Variants in ROS1 observed in about 807,000 individuals in gnomAD.
The protein encoded by ROS1 is ROS proto-oncogene 1, receptor tyrosine kinase.
Under a neutral mutation model 273.5 loss-of-function variants are expected in ROS1, and 263 were observed. That is an observed-to-expected ratio of 0.96 (90% CI 0.87 to 1.06). The LOEUF (loss-of-function observed/expected upper bound fraction) is 1.06. Among genes scored for constraint, ROS1 ranks in the 50% least tolerant of loss-of-function variants. The pLI, the probability that ROS1 is intolerant of heterozygous loss-of-function variation, is 0.00. For missense variants in ROS1, 2,833 were observed against 2,751.1 expected, an observed-to-expected ratio of 1.03 and a Z score of -0.67; for synonymous variants, 1,008 against 954.1, an observed-to-expected ratio of 1.06 and a Z score of -1.04.
chr6:117,407,713 A>G (rs1273014733), intron 5 of ROS1, among the ~76,000 whole-genome samples: 8 of 152,348 alleles, frequency 5.3e-5, no homozygotes, highest in Admixed American at 3.9e-4. Flanking sequence ...TAGAAAAACT[A>G]CTTTAAAGTT....
chr6:117,313,670 T>C (rs1039411982), intron 39 of ROS1, among the ~76,000 whole-genome samples: 2 of 152,108 alleles, frequency 1.3e-5, no homozygotes, highest in Non-Finnish European at 2.9e-5. Context: ...AGGACTAGAC[T>C]AAGCTTTCCG....
intron 43 of ROS1, among the ~76,000 whole-genome samples, chr6:117,296,937 T>C (rs117832754): frequency 0.081 from 12,344 of 152,180 alleles, 719 homozygotes; most frequent in Non-Finnish European, 0.12. Flanking sequence ...ATCTACTATG[T>C]ACCCACAAAA....
At chr6:117,330,077 C>CGGCG (rs1776968073) in intron 32 of ROS1, among the ~76,000 whole-genome samples, 2 of 152,170 alleles carry the variant, frequency 1.3e-5, no homozygotes, top group East Asian at 1.9e-4. Context: ...TCTCCCTGGG[C>CGGCG]GGCGGGGAGA....
chr6:117,409,547 A>G (rs1397068440), intron 5 of ROS1, 35 bp downstream of exon 5: 1 of 1,495,330 alleles, frequency 6.7e-7, no homozygotes, highest in Non-Finnish European at 9.3e-7. Flanking sequence ...AGAGTGGTGC[A>G]GCCTATTTTT....
Position 117,341,136 on chromosome 6 carries a change from T to A in ROS1, c.5060A>T (p.Lys1687Met). The change falls in exon 31 of 44, where the codon AAG (lysine) becomes ATG (methionine). Residue 1687 changes from lysine (K) to methionine (M), a missense_variant and splice_region_variant. Physicochemically the swap from Lys to Met is moderately conservative, Grantham distance 95. Transcript: ENST00000368507. ...NLIRFWVELQ[K>M]WKYNEFYHVK... ...TAAAGACTTGCATTAAAAGTCTACC[T>A]TCTGTAGCTCAACCCAAAATCTGAT... 1 of 1,599,600 alleles carries A rather than the reference T, an allele frequency of 6.3e-7. No individual in the cohort carries two copies.
At chr6:117,377,596 C>T (rs889658950) in intron 18 of ROS1, among the ~76,000 whole-genome samples, 8 of 151,832 alleles carry the variant, frequency 5.3e-5, no homozygotes, top group East Asian at 1.9e-4. Flanking sequence ...AAAGCTAAAA[C>T]GATAAAGCTT....
At chr6:117,412,310 T>C (rs1437197767) in intron 4 of ROS1, among the ~76,000 whole-genome samples, 3 of 151,764 alleles carry the variant, frequency 2.0e-5, no homozygotes, top group African/African-American at 7.3e-5. Context: ...AATATATATG[T>C]ATATATATTC....
chr6:117,367,736 T>C (rs1409379851), intron 18 of ROS1, among the ~76,000 whole-genome samples: 1 of 152,224 alleles, frequency 6.6e-6, no homozygotes, highest in African/African-American at 2.4e-5. Flanking sequence ...TTGAACCATC[T>C]ATTAAATGTG....
intron 43 of ROS1, among the ~76,000 whole-genome samples, chr6:117,296,677 G>A (rs1774269093): frequency 6.6e-6 from 1 of 152,138 alleles, no homozygotes; most frequent in Admixed American, 6.5e-5. Context: ...GGGACAGGGT[G>A]GGGGAGTTGG....
chr6:117,377,057 A>G (rs1370289195), intron 18 of ROS1, among the ~76,000 whole-genome samples: 1 of 152,198 alleles, frequency 6.6e-6, no homozygotes, highest in Non-Finnish European at 1.5e-5. Flanking sequence ...AGACAAATAT[A>G]TCAAAGGAAC....
At chr6:117,314,623 A>G (rs1169928862) in intron 39 of ROS1, among the ~76,000 whole-genome samples, 2 of 152,198 alleles carry the variant, frequency 1.3e-5, no homozygotes, top group African/African-American at 4.8e-5. Flanking sequence ...TACCAGTCAC[A>G]CTGAGGCACT....
intron 43 of ROS1, among the ~76,000 whole-genome samples, chr6:117,299,170 G>T (rs1774487046): frequency 6.6e-6 from 1 of 152,204 alleles, no homozygotes; most frequent in African/African-American, 2.4e-5. Context: ...CATGGCCAAG[G>T]CATGTGCAGC....
At chr6:117,398,801 C>T (rs1349435227) in intron 7 of ROS1, among the ~76,000 whole-genome samples, 1 of 151,504 alleles carries the variant, frequency 6.6e-6, no homozygotes, top group African/African-American at 2.4e-5. Context: ...GGTGAAACCC[C>T]ATCTCTACTA....
rs201937922 is a variant in ROS1 at position 117,394,697 on chromosome 6, A to G, written c.925T>C (p.Ser309Pro). The change falls in exon 10 of 44, where the codon TCT (serine) becomes CCT (proline). Residue 309 changes from serine (S) to proline (P), a missense_variant. Physicochemically the swap from Ser to Pro is moderately conservative, Grantham distance 74. Transcript: ENST00000368507. The part of the protein sequence containing the change: ...EQWLFLSRKT[S>P]LRKRSLKHLV... ...TGTTTTAAAGATCTCTTTCTTAGAG[A>G]AGTTTTTCTGGATAAAAAGAGCCAC... The G allele has an allele frequency of 1.6e-5, 25 of 1,611,306 alleles. No homozygotes were observed. In the African/African-American group the frequency reaches 3.3e-4, roughly 22 times the overall value.
Position 117,341,631 on chromosome 6 carries a change from T to C in ROS1, c.4653A>G (p.Val1551=). The C allele has an allele frequency of 6.2e-7, 1 of 1,607,864 alleles. No homozygotes were observed. The highest frequency in any genetic ancestry group is 8.5e-7 in the Non-Finnish European group (1 of 1,174,638). Residue 1551 remains valine (V), a splice_region_variant and synonymous_variant, in exon 30 of 44, where the codon GTA becomes GTG. Transcript: ENST00000368507. The part of the protein sequence containing the change: ...KEIWGKTKNG[V]PEAVQLINTT... ...TATTAATGAGCTGCACTGCCTCTGG[T>C]ACTGAAATAAATAGCAAGGAATGAT...
At chr6:117,370,373 T>C (rs1780669766) in intron 18 of ROS1, among the ~76,000 whole-genome samples, 1 of 152,138 alleles carries the variant, frequency 6.6e-6, no homozygotes, top group Admixed American at 6.5e-5. Flanking sequence ...CTTTAATCAC[T>C]TCCTGACCAT....
At chr6:117,327,705 A>G (rs1264537717) in intron 33 of ROS1, among the ~76,000 whole-genome samples, 4 of 152,218 alleles carry the variant, frequency 2.6e-5, no homozygotes, top group African/African-American at 9.6e-5. Context: ...TCCTCCCAAA[A>G]TTCATACCCA....
At chr6:117,348,858 C>T (rs961152370) in intron 27 of ROS1, among the ~76,000 whole-genome samples, 3 of 151,962 alleles carry the variant, frequency 2.0e-5, no homozygotes, top group African/African-American at 7.2e-5. Flanking sequence ...TTTAGAAATA[C>T]GTTGTTTAAT....
At chr6:117,338,485 T>C (rs1452790192) in intron 31 of ROS1, among the ~76,000 whole-genome samples, 2 of 150,958 alleles carry the variant, frequency 1.3e-5, no homozygotes, top group Non-Finnish European at 2.9e-5. Flanking sequence ...AACGGGTGCA[T>C]TGAATCCATA....
Sources: gnomAD v4.1 joint callset for allele counts (sites outside exome capture counted in the v4.1 genomes callset) on GRCh38, gnomAD v4.1.1 for gene constraint, MANE v1.5 for transcripts, NCBI Gene and HGNC (gene_info 2026-07-23, HGNC 2026-07-21) for gene names.